PLD5: variants seen among roughly 807,000 people sequenced by gnomAD.
PLD5 encodes inactive phospholipase D5.
Under a neutral mutation model 61.1 loss-of-function variants are expected in PLD5, and 36 were observed. The ratio of observed to expected loss-of-function variants is 0.59; its 90% confidence interval spans 0.45 to 0.78. The LOEUF is 0.78. PLD5 is among the 30% of genes least tolerant of loss of function. The pLI, the probability that PLD5 is intolerant of heterozygous loss-of-function variation, is 0.00. For missense variants in PLD5, 515 were observed against 644.4 expected (o/e 0.80, Z 2.17); for synonymous variants, 243 against 242.8 (o/e 1.00, Z -0.01).
At chr1:242,105,814 C>T (rs374438995) in intron 8 of PLD5, among the ~76,000 whole-genome samples, 30 of 141,974 alleles carry the variant, frequency 2.1e-4, no homozygotes, top group African/African-American at 7.6e-4. Context: ...TAAACTCTAT[C>T]ATTAGAGAGA....
chr1:242,481,750 C>A (rs1667785164), intron 1 of PLD5, among the ~76,000 whole-genome samples: 2 of 152,214 alleles, frequency 1.3e-5, no homozygotes, highest in African/African-American at 4.8e-5. Flanking sequence ...TGAGAACAGA[C>A]AGACTGCCTC....
chr1:242,125,020 T>C (rs1233745235), intron 5 of PLD5, among the ~76,000 whole-genome samples: 5 of 152,146 alleles, frequency 3.3e-5, no homozygotes, highest in Non-Finnish European at 1.5e-5. Context: ...ACTTGCAACA[T>C]AACCGAATGG....
intron 1 of PLD5, among the ~76,000 whole-genome samples, chr1:242,358,880 G>A (rs1333153794): frequency 1.3e-5 from 2 of 152,114 alleles, no homozygotes; most frequent in East Asian, 1.9e-4. Context: ...TTCAGTTTAT[G>A]GCAGATCTAG....
intron 3 of PLD5, among the ~76,000 whole-genome samples, chr1:242,274,906 A>T (rs1233320157): frequency 1.3e-5 from 2 of 152,308 alleles, no homozygotes; most frequent in African/African-American, 4.8e-5. Flanking sequence ...TCCTCTCGTC[A>T]GAGATTTGGA....
chr1:242,111,219 G>C (rs887390161), intron 7 of PLD5, among the ~76,000 whole-genome samples: 1 of 152,078 alleles, frequency 6.6e-6, no homozygotes, highest in Admixed American at 6.6e-5. Context: ...ACCATGCCCA[G>C]CTAATTTTTG....
chr1:242,098,318 C>T (rs1405443025), intron 9 of PLD5, among the ~76,000 whole-genome samples: 1 of 152,134 alleles, frequency 6.6e-6, no homozygotes, highest in African/African-American at 2.4e-5. Context: ...TCTGATCTTC[C>T]ATCACTGATA....
intron 2 of PLD5, among the ~76,000 whole-genome samples, chr1:242,290,837 C>T (rs1675316055): frequency 6.6e-6 from 1 of 151,650 alleles, no homozygotes; most frequent in Non-Finnish European, 1.5e-5. Flanking sequence ...GTGGTCTCCT[C>T]ACATGGGTTC....
intron 1 of PLD5, among the ~76,000 whole-genome samples, chr1:242,370,044 T>C (rs1336394680): frequency 6.6e-6 from 1 of 152,134 alleles, no homozygotes; most frequent in East Asian, 1.9e-4. Flanking sequence ...CTCAGTTGTG[T>C]ATTAGTTTCT....
intron 2 of PLD5, among the ~76,000 whole-genome samples, chr1:242,328,271 CAT>C (rs1031576489): frequency 1.3e-4 from 20 of 151,856 alleles, no homozygotes; most frequent in Admixed American, 9.2e-4. Flanking sequence ...TATACACACA[CAT>C]ATATATTATA....
At chr1:242,107,933 C>T (rs1425188336) in intron 7 of PLD5, 94 bp from the exon 8 acceptor site, 14 of 1,212,684 alleles carry the variant, frequency 1.2e-5, no homozygotes, top group Non-Finnish European at 1.6e-5. Flanking sequence ...TTACTCAGAT[C>T]ATTACTTTAT....
chr1:242,362,354 T>C (rs989627274), intron 1 of PLD5, among the ~76,000 whole-genome samples: 1 of 152,214 alleles, frequency 6.6e-6, no homozygotes, highest in Non-Finnish European at 1.5e-5. Context: ...GTCTGTTTTA[T>C]AGATGCAGAC....
chr1:242,182,442 G>A (rs549436501), intron 5 of PLD5, among the ~76,000 whole-genome samples: 15 of 152,058 alleles, frequency 9.9e-5, no homozygotes, highest in East Asian at 3.9e-4. Flanking sequence ...TCATGTCCAG[G>A]GCTTATTCCC....
intron 1 of PLD5, chr1:242,377,213 G>C (rs543660966): frequency 1.9e-6 from 3 of 1,611,538 alleles, no homozygotes; most frequent in Admixed American, 1.7e-5. Context: ...CACACTCCCG[G>C]CACTGGTAGG....
chr1:242,473,905 T>C (rs1430184732), intron 1 of PLD5, among the ~76,000 whole-genome samples: 2 of 151,486 alleles, frequency 1.3e-5, no homozygotes, highest in African/African-American at 2.4e-5. Context: ...TAAAAATGAG[T>C]TTCAACTGTT....
At chr1:242,129,702 C>T (rs926080088) in intron 5 of PLD5, among the ~76,000 whole-genome samples, 1 of 152,160 alleles carries the variant, frequency 6.6e-6, no homozygotes, top group African/African-American at 2.4e-5. Context: ...GGATATTTTG[C>T]TCAGTGGTGA....
intron 1 of PLD5, among the ~76,000 whole-genome samples, chr1:242,367,287 A>C (rs575482114): frequency 6.6e-6 from 1 of 152,256 alleles, no homozygotes; most frequent in African/African-American, 2.4e-5. Flanking sequence ...CACATAGAAA[A>C]ATTCAAACTG....
intron 5 of PLD5, chr1:242,178,265 A>G (rs1363735007): frequency 1.3e-5 from 2 of 152,104 alleles, no homozygotes; most frequent in Non-Finnish European, 2.9e-5. Context: ...TGCATGTATT[A>G]TTGGTGCTCT....
chr1:242,290,580 T>G (rs917773168), intron 2 of PLD5, among the ~76,000 whole-genome samples: 1 of 152,048 alleles, frequency 6.6e-6, no homozygotes, highest in African/African-American at 2.4e-5. Flanking sequence ...ACAGCACACC[T>G]GTACGCCACT....
chr1:242,361,166 T>G (rs998997040), intron 1 of PLD5, among the ~76,000 whole-genome samples: 3 of 152,158 alleles, frequency 2.0e-5, no homozygotes, highest in Non-Finnish European at 2.9e-5. Context: ...TTAACTTCTA[T>G]TAGTTTAATT....
Sources: allele counts gnomAD v4.1 joint callset (sites outside exome capture counted in the v4.1 genomes callset), GRCh38; gene constraint gnomAD v4.1.1; transcripts MANE v1.5; gene names NCBI Gene and HGNC (gene_info 2026-07-23, HGNC 2026-07-21).